Variants in ZNF189 observed in about 807,000 individuals in gnomAD.
ZNF189 encodes the protein zinc finger protein 189.
A neutral mutation model predicts 53.5 loss-of-function variants in ZNF189; 33 were observed. The ratio of observed to expected loss-of-function variants is 0.62; its 90% CI spans 0.47 to 0.82. The LOEUF (loss-of-function observed/expected upper bound fraction) is 0.82, where lower values mean the gene tolerates loss of function less well. Ranked by LOEUF, ZNF189 falls within the 40% of genes least tolerant of loss-of-function variation. The probability of loss-of-function intolerance (pLI) is 0.00; values close to 1 mark genes in which losing one functional copy is unlikely to be tolerated. For missense variants in ZNF189, 711 were observed against 753.9 expected (o/e 0.94, Z 0.67); for synonymous variants, 247 against 238.8 (o/e 1.03, Z -0.32).
intron 2 of ZNF189, chr9:101,407,321 T>C (rs1830751200): frequency 2.5e-6 from 1 of 397,138 alleles, no homozygotes; most frequent in Non-Finnish European, 4.4e-6. Context: ...TAAATGCTTG[T>C]TAATGAATGA....
intron 2 of ZNF189, among the ~76,000 whole-genome samples, chr9:101,403,263 A>G (rs1830597113): frequency 2.0e-5 from 3 of 152,192 alleles, no homozygotes; most frequent in African/African-American, 7.2e-5. Flanking sequence ...ACAAGGTGTG[A>G]CAGTGTGCCC....
chr9:101,409,221 C>A lies in ZNF189; in HGVS notation c.1453C>A (p.Leu485Ile), dbSNP rs200229980. 1.2e-6 allele frequency: 2 copies of A among 1,613,496 alleles called. No individual in the cohort carries two copies. Among genetic ancestry groups the A allele is most frequent in the East Asian group, 4.5e-5 (2 of 44,874 alleles). Residue 485 changes from leucine (L) to isoleucine (I), a missense_variant, in exon 3 of 3, where the codon CTA (leucine) becomes ATA (isoleucine). Physicochemically the swap from Leu to Ile is conservative, Grantham distance 5. Transcript: ENST00000339664. ...AATCCACACTGGTGAAAAGCCCTATCTATGTACTGTCTGTGGGAAAAGCTT... is the reference window on the plus strand; with the variant it reads ...AATCCACACTGGTGAAAAGCCCTATATATGTACTGTCTGTGGGAAAAGCTT... The part of the protein sequence containing the change: ...QRIHTGEKPY[L>I]CTVCGKSFSR...
At chr9:101,402,158 C>T (rs1285081217) in intron 2 of ZNF189, among the ~76,000 whole-genome samples, 6 of 152,118 alleles carry the variant, frequency 3.9e-5, no homozygotes, top group Non-Finnish European at 5.9e-5. Context: ...TCAGGTGATC[C>T]GCCCACCTTG....
rs1267709105 is a variant in ZNF189, at chr9:101,408,990, G to A, written c.1222G>A (p.Ala408Thr). 1.2e-6 allele frequency: 2 copies of A among 1,613,924 alleles called. No individual in the cohort carries two copies. Among genetic ancestry groups the A allele is most frequent in the East Asian group, 2.2e-5 (1 of 44,874 alleles). The change falls in exon 3 of 3, where the codon GCC becomes ACC. Residue 408 changes from alanine to threonine, a missense_variant. Coordinates refer to ENST00000339664, the MANE Select transcript of ZNF189 (RefSeq NM_003452.4). ...CCATAAATGTGAGGAATGTGGAAAA[G>A]CCTTTAGTAGAAGCTCAGGTCTTAT... ...KPHKCEECGK[A>T]FSRSSGLIQH...
chr9:101,407,932 T>A lies in ZNF189; in HGVS notation c.164T>A (p.Val55Asp). Residue 55 changes from valine to aspartate, a missense_variant, in exon 3 of 3, where the codon GTT becomes GAT. Coordinates refer to ENST00000339664, the MANE Select transcript of ZNF189 (RefSeq NM_003452.4). ...ENYGNLVSLD[V>D]LNRDKDEEPT... ...TATTTCCTTTTTATTATTCCAGATGTTTTGAACAGAGATAAGGATGAGGAG... is the reference window on the plus strand; with the variant it reads ...TATTTCCTTTTTATTATTCCAGATGATTTGAACAGAGATAAGGATGAGGAG... 1 of 1,541,670 alleles carries A rather than the reference T, an allele frequency of 6.5e-7. No homozygotes were observed. Among genetic ancestry groups the A allele is most frequent in the Non-Finnish European group, 8.7e-7 (1 of 1,149,526 alleles).
At position 101,409,588 on chromosome 9, in the gene ZNF189, C is replaced by A; in HGVS notation, c.1820C>A (p.Ala607Asp). 1 of 1,613,478 alleles carries A rather than the reference C, an allele frequency of 6.2e-7. No homozygotes were observed. The highest frequency in any genetic ancestry group is 8.5e-7 in the Non-Finnish European group (1 of 1,179,864). ...CATGAATGTGACGCTTGTGGTGAAG[C>A]CTTTAATTGCCGTATTTCTCTTATT... ...ETHECDACGE[A>D]FNCRISLIQH... Residue 607 changes from alanine (A) to aspartate (D), a missense_variant, in exon 3 of 3, where the codon GCC becomes GAC. By Grantham distance (126) the Ala-to-Asp change is moderately radical. Transcript: ENST00000339664.
rs755365030 is a variant in ZNF189, at chr9:101,409,147, A to G, written c.1379A>G (p.Glu460Gly). ...AAGGAGAAATCTTATAAATGTGATG[A>G]ATGTGGGAAAACTTTTAGTGTTAGT... is the stretch of plus-strand genomic sequence containing the variant. ...YPKEKSYKCD[E>G]CGKTFSVSAH... Residue 460 changes from glutamate to glycine, a missense_variant, in exon 3 of 3, where the codon GAA (glutamate) becomes GGA (glycine). Glu to Gly is a moderately conservative substitution (Grantham distance 98). Transcript: ENST00000339664. 1 of 1,614,022 alleles carries G rather than the reference A, an allele frequency of 6.2e-7. No individual in the cohort carries two copies. The highest frequency in any genetic ancestry group is 2.2e-5 in the East Asian group (1 of 44,884).
chr9:101,406,036 T>A (rs2118235890), intron 2 of ZNF189, among the ~76,000 whole-genome samples: 1 of 141,200 alleles, frequency 7.1e-6, no homozygotes, highest in Admixed American at 7.3e-5. Flanking sequence ...GCCTGGGCAA[T>A]AAGAGTGAAA....
rs1240662454 is a variant in ZNF189, at chr9:101,408,318, A to G, written c.550A>G (p.Ser184Gly). 6.2e-7 allele frequency: 1 copy of G among 1,613,998 alleles called. No individual in the cohort carries two copies. The highest frequency in any genetic ancestry group is 8.5e-7 in the Non-Finnish European group (1 of 1,180,006). ...KPFQCNECGK[S>G]FSRSSFVIEH... ...TTTTCAGTGCAATGAATGTGGGAAA[A>G]GTTTTAGTCGCAGTTCATTTGTTAT... The change falls in exon 3 of 3, where the codon AGT becomes GGT. Residue 184 changes from serine (S) to glycine (G), a missense_variant. Coordinates refer to ENST00000339664, the MANE Select transcript of ZNF189 (RefSeq NM_003452.4).
Position 101,399,207 on chromosome 9 carries a change from C to CA in ZNF189, c.33+18_33+19insA. On this transcript the variant is annotated intron_variant, in intron 1 of 2. Transcript: ENST00000339664. Reference sequence around the variant, plus strand: ...AGTCGAAGGTAAGTAAGCACCCCCCCGGGGATCCCGGTTGTCTCGCCGCTA... The same window carrying CA: ...AGTCGAAGGTAAGTAAGCACCCCCCCAGGGGATCCCGGTTGTCTCGCCGCTA... 1 of 1,575,868 alleles carries CA rather than the reference C, an allele frequency of 6.3e-7. No homozygotes were observed. Among genetic ancestry groups the CA allele is most frequent in the South Asian group, 1.1e-5 (1 of 88,640 alleles).
intron 2 of ZNF189, among the ~76,000 whole-genome samples, chr9:101,405,784 GC>G (rs1031381055): frequency 2.0e-5 from 3 of 152,062 alleles, no homozygotes; most frequent in Admixed American, 6.5e-5. Context: ...ACTGAAACAT[GC>G]CCATTTTAGG....
rs1588161725 is a variant in ZNF189 at position 101,407,670 on chromosome 9, C to T, written c.161-259C>T. The T allele has an allele frequency of 1.6e-5, 7 of 442,964 alleles. No individual in the cohort carries two copies. In the East Asian group the frequency reaches 2.1e-4, roughly 13 times the overall value. The allele number at this position is 442,964 out of a possible 1,614,324, so 27.4% of individuals were successfully genotyped here. A position where few individuals can be genotyped will look rare whatever the true frequency, so the allele number is the denominator to read the frequency against. The stretch of plus-strand genomic sequence containing the variant: ...TCACTCTCCCAAAATGCTGGGATTA[C>T]AGGCATGAGCCACTATGCCTGGCCA... On this transcript the variant is annotated intron_variant, in intron 2 of 2. Coordinates refer to ENST00000339664, the MANE Select transcript of ZNF189 (RefSeq NM_003452.4).
In ZNF189 at chr9:101,408,737, A is replaced by G; in HGVS notation, c.969A>G (p.Lys323=). The change falls in exon 3 of 3, where the codon AAA becomes AAG. Residue 323 remains lysine, a synonymous_variant. Transcript: ENST00000339664. ...CCCATAAATGTGGTGAATGTGGGAA[A>G]GCCTTTCGATTAAGCACATACCTTA... ...ERPHKCGECG[K]AFRLSTYLIQ... 6.2e-7 allele frequency: 1 copy of G among 1,614,192 alleles called. No homozygotes were observed. The highest frequency in any genetic ancestry group is 1.1e-5 in the South Asian group (1 of 91,074).
chr9:101,409,749 C>A lies in ZNF189; in HGVS notation c.*100C>A. On this transcript the variant is annotated 3_prime_UTR_variant, in exon 3 of 3. Coordinates refer to ENST00000339664, the MANE Select transcript of ZNF189 (RefSeq NM_003452.4). ...GTCAGATTTAGTGATAAAGCAAATT[C>A]TCCTTGGCCTCAGGCAAATAGTTTC... The A allele has an allele frequency of 7.4e-7, 1 of 1,351,838 alleles. No homozygotes were observed. Among genetic ancestry groups the A allele is most frequent in the Non-Finnish European group, 9.8e-7 (1 of 1,016,298 alleles). The allele number at this position is 1,351,838 out of a possible 1,614,324, so 83.7% of individuals were successfully genotyped here.
chr9:101,406,469 G>A (rs1179646660), intron 2 of ZNF189, among the ~76,000 whole-genome samples: 1 of 152,064 alleles, frequency 6.6e-6, no homozygotes, highest in East Asian at 1.9e-4. Context: ...TATAGGTAGA[G>A]GACAGAAAGT....
chr9:101,405,782 A>G (rs942622938), intron 2 of ZNF189, among the ~76,000 whole-genome samples: 2 of 152,176 alleles, frequency 1.3e-5, no homozygotes, highest in Admixed American at 6.5e-5. Flanking sequence ...GGACTGAAAC[A>G]TGCCCATTTT....
intron 1 of ZNF189, chr9:101,399,655 T>A (rs899098193): frequency 1.6e-6 from 2 of 1,264,346 alleles, no homozygotes; most frequent in African/African-American, 1.5e-5. Context: ...TTACTAAAAT[T>A]AAACTCTCAG....
At chr9:101,402,723 T>C (rs1349485883) in intron 2 of ZNF189, among the ~76,000 whole-genome samples, 2 of 152,224 alleles carry the variant, frequency 1.3e-5, no homozygotes, top group Admixed American at 1.3e-4. Context: ...ATGGTAGATA[T>C]ACCTGTTGCA....
In ZNF189 at chr9:101,409,677, G is replaced by T; in HGVS notation, c.*28G>T. ...GTAGAGCAATACATAAGCTCAATTT[G>T]ATTTGAGACTAGTACCCAAGTGCAG... On this transcript the variant is annotated 3_prime_UTR_variant, in exon 3 of 3. Coordinates refer to ENST00000339664, the MANE Select transcript of ZNF189 (RefSeq NM_003452.4). 11 of 1,560,776 alleles carry T rather than the reference G, an allele frequency of 7.0e-6. No homozygotes were observed. Among genetic ancestry groups the T allele is most frequent in the South Asian group, 1.2e-5 (1 of 81,784 alleles).
Sources: gnomAD v4.1 joint callset for allele counts (sites outside exome capture counted in the v4.1 genomes callset) on GRCh38, gnomAD v4.1.1 for gene constraint, MANE v1.5 for transcripts, NCBI Gene and HGNC (gene_info 2026-07-23, HGNC 2026-07-21) for gene names.